Variants in CACNG7 observed in about 807,000 individuals in gnomAD.
CACNG7 encodes voltage-dependent calcium channel gamma-7 subunit.
A neutral mutation model predicts 26.3 loss-of-function variants in CACNG7; 9 were observed. The ratio of observed to expected loss-of-function variants is 0.34; its 90% CI spans 0.21 to 0.60. CACNG7 has a LOEUF of 0.60. CACNG7 is among the 20% of genes least tolerant of loss of function. The pLI, the probability that CACNG7 is intolerant of heterozygous loss-of-function variation, is 0.81. For synonymous variants in CACNG7, 170 were observed against 157.0 expected (o/e 1.08, Z -0.62); for missense variants, 297 against 380.4 (o/e 0.78, Z 1.82).
chr19:53,933,473 T>C (rs1056036898), intron 4 of CACNG7, among the ~76,000 whole-genome samples: 6 of 151,416 alleles, frequency 4.0e-5, no homozygotes, highest in African/African-American at 1.5e-4. Context: ...CTAATTTTTG[T>C]ATTTTTAGTA....
chr19:53,919,274 G>A (rs536282957), intron 4 of CACNG7, among the ~76,000 whole-genome samples: 4 of 152,216 alleles, frequency 2.6e-5, no homozygotes, highest in Non-Finnish European at 2.9e-5. Context: ...CCTCCTGTTC[G>A]CAATGAGGAA....
At chr19:53,941,666 G>C in intron 5 of CACNG7, 51 bp downstream of exon 5, 1 of 1,580,032 alleles carries the variant, frequency 6.3e-7, no homozygotes, top group Non-Finnish European at 8.6e-7. Context: ...GAGAGGTCTT[G>C]GGGGCCTGGT....
chr19:53,930,924 G>C (rs1367685532), intron 4 of CACNG7, among the ~76,000 whole-genome samples: 1 of 152,138 alleles, frequency 6.6e-6, no homozygotes, highest in Admixed American at 6.6e-5. Context: ...ATCCTTTAAG[G>C]CTAAGGGTCG....
intron 3 of CACNG7, 54 bp from the exon 4 acceptor site, chr19:53,915,311 G>T: frequency 7.4e-7 from 1 of 1,356,310 alleles, no homozygotes; most frequent in South Asian, 1.2e-5. Flanking sequence ...GAATGGGGAA[G>T]TGTCCCACTG....
At position 53,943,584 on chromosome 19, in the gene CACNG7, C is replaced by G. The variant is rs898119478; in HGVS notation, c.*1291C>G. On this transcript the variant is annotated 3_prime_UTR_variant, in exon 6 of 6. Transcript: ENST00000391767. ...CCGCAGTTAACCTGACTTTACGCAG[C>G]GATTTTTAACGAGGCTGGGGGGAGG... is the stretch of plus-strand genomic sequence containing the variant. 5.5e-5 allele frequency: 5 copies of G among 91,538 alleles called. No homozygotes were observed. The highest frequency in any genetic ancestry group is 2.3e-4 in the African/African-American group (5 of 22,002). 5.7% of individuals were successfully genotyped at this position (91,538 alleles called of 1,614,324 possible). A position where few individuals can be genotyped will look rare whatever the true frequency, so the allele number is the denominator to read the frequency against.
At chr19:53,941,364 T>C in intron 4 of CACNG7, 106 bp from the exon 5 acceptor site, 1 of 1,290,472 alleles carries the variant, frequency 7.7e-7, no homozygotes, top group African/African-American at 1.5e-5. Flanking sequence ...TTCAGGGAAG[T>C]TAGTCCAGGA....
In CACNG7 at chr19:53,914,543, A is replaced by G. The variant is rs1473214709; in HGVS notation, c.240A>G (p.Glu80=). 4 of 1,614,018 alleles carry G rather than the reference A, an allele frequency of 2.5e-6. No individual in the cohort carries two copies. The African/African-American group carries it at 4.0e-5, about 16-fold the overall frequency. Residue 80 remains glutamate, a synonymous_variant, in exon 3 of 6, where the codon GAA becomes GAG. Coordinates refer to ENST00000391767, the MANE Select transcript of CACNG7 (RefSeq NM_031896.5). ...GTGTGGCCTCAGAATATTTTCTTGA[A>G]CCGGAGATCAATTTGGTGACGGAAA... ...GRCVASEYFL[E]PEINLVTENT...
rs1229521913 is a variant in CACNG7, at chr19:53,939,188, G to A, written c.425-2282G>A. 6.6e-6 allele frequency among the ~76,000 whole-genome samples: 1 copy of A among 152,118 alleles called. No individual in the cohort carries two copies. Among genetic ancestry groups the A allele is most frequent in the Non-Finnish European group, 1.5e-5 (1 of 68,034 alleles). On this transcript the variant is annotated intron_variant, in intron 4 of 5. Coordinates refer to ENST00000391767, the MANE Select transcript of CACNG7 (RefSeq NM_031896.5). This position sits in a 1 kb window ranked among gnomAD's most constrained non-coding sequence, Gnocchi z 4.2. The stretch of plus-strand genomic sequence containing the variant: ...CAGGAGAATCGCTTGAGTCCAGGAG[G>A]CAGAGGTTGCGGTGAGCCGAGATTG...
intron 4 of CACNG7, among the ~76,000 whole-genome samples, chr19:53,929,125 A>C (rs1747016579): frequency 6.6e-6 from 1 of 150,942 alleles, no homozygotes; most frequent in South Asian, 2.1e-4. Context: ...AAAAAAACAA[A>C]AAAAAAAAAA....
rs1427999569 is a variant in CACNG7 at position 53,920,906 on chromosome 19, G to C, written c.424+5401G>C. 4.1e-5 allele frequency among the ~76,000 whole-genome samples: 5 copies of C among 121,074 alleles called. No individual in the cohort carries two copies. The East Asian group carries it at 9.5e-4, about 23-fold the overall frequency. The allele number at this position is 121,074 out of a possible 152,430, so 79.4% of individuals were successfully genotyped here. On this transcript the variant is annotated intron_variant, in intron 4 of 5. Transcript: ENST00000391767. Reference sequence around the variant, plus strand: ...GTTGTCCCAGGTCTGGTCATTGGTGGAGTTGTCCCCAGGTCTGGTCATTGG... The same window carrying C: ...GTTGTCCCAGGTCTGGTCATTGGTGCAGTTGTCCCCAGGTCTGGTCATTGG...
intron 4 of CACNG7, among the ~76,000 whole-genome samples, chr19:53,924,172 GGTCCCAGGTCTGGTCATTGGTGGAGTT>G (rs1386823645): frequency 5.1e-5 from 7 of 136,484 alleles, no homozygotes; most frequent in Non-Finnish European, 7.8e-5. Context: ...TGGTGGAGTT[GGTCCCAGGTCTGGTCATTGGTGGAGTT>G]GTCCCAGGTC....
At position 53,942,561 on chromosome 19, in the gene CACNG7, C is replaced by G. The variant is rs1002757762; in HGVS notation, c.*268C>G. On this transcript the variant is annotated 3_prime_UTR_variant, in exon 6 of 6. Transcript: ENST00000391767. This position sits in a 1 kb window ranked among gnomAD's most constrained non-coding sequence, Gnocchi z 5.9. ...CCCTTCGTTGGCCCGCCCCTTTCCT[C>G]TGGCCCCTCCTCTCCAAGAAAATTA... 3 of 1,359,386 alleles carry G rather than the reference C, an allele frequency of 2.2e-6. No individual in the cohort carries two copies. The highest frequency in any genetic ancestry group is 2.8e-6 in the Non-Finnish European group (3 of 1,058,580). The allele number at this position is 1,359,386 out of a possible 1,614,324, so 84.2% of individuals were successfully genotyped here.
rs772108578 is a variant in CACNG7, at chr19:53,942,233, G to GT, written c.768_769insT (p.Asn257Ter). The GT allele has an allele frequency of 6.2e-7, 1 of 1,613,962 alleles. No homozygotes were observed. The highest frequency in any genetic ancestry group is 8.5e-7 in the Non-Finnish European group (1 of 1,179,950). ...GCGACGTGTCCATCCAAATGACGCA[G>GT]AACTACCCTCCCGCCATCAAGTACC... On this transcript the variant is annotated frameshift_variant, in exon 6 of 6. Coordinates refer to ENST00000391767, the MANE Select transcript of CACNG7 (RefSeq NM_031896.5). LOFTEE classifies it high-confidence loss of function. The surrounding 1 kb of genome is among the most constrained non-coding windows in gnomAD (Gnocchi z 5.9).
Position 53,942,021 on chromosome 19 carries a change from C to T in CACNG7, c.571-15C>T, listed in dbSNP as rs1278675890. ...AGGGGGGCGCCCCTGGGACTCTGAC[C>T]TTGCCTTGCCGCAGGGGGCCGGCGT... On this transcript the variant is annotated splice_polypyrimidine_tract_variant and intron_variant, in intron 5 of 5. Transcript: ENST00000391767. The surrounding 1 kb of genome is among the most constrained non-coding windows in gnomAD (Gnocchi z 5.9). 6.3e-7 allele frequency: 1 copy of T among 1,574,956 alleles called. No individual in the cohort carries two copies.
chr19:53,914,664 C>G (rs1462134875), intron 3 of CACNG7, 78 bp downstream of exon 3: 1 of 1,323,774 alleles, frequency 7.6e-7, no homozygotes, highest in Admixed American at 1.7e-5. Context: ...GGGGGCAGGA[C>G]TAGGGAAAGG....
At chr19:53,938,115 G>A (rs907726499) in intron 4 of CACNG7, among the ~76,000 whole-genome samples, 3 of 152,166 alleles carry the variant, frequency 2.0e-5, no homozygotes, top group Non-Finnish European at 2.9e-5. Flanking sequence ...GGGAGGCCAA[G>A]GTGGAAGAAC....
At chr19:53,936,057 G>A (rs1328963517) in intron 4 of CACNG7, among the ~76,000 whole-genome samples, 1 of 145,290 alleles carries the variant, frequency 6.9e-6, no homozygotes, top group Non-Finnish European at 1.5e-5. Context: ...TTTTTAATAC[G>A]TGGAGGATGC....
chr19:53,941,061 CAA>C (rs11300024), intron 4 of CACNG7, among the ~76,000 whole-genome samples: 224 of 143,418 alleles, frequency 1.6e-3, no homozygotes, highest in Non-Finnish European at 1.4e-3. Context: ...GACTCCATTT[CAA>C]AAAAAAAAAA....
At chr19:53,933,259 T>C (rs2069085113) in intron 4 of CACNG7, among the ~76,000 whole-genome samples, 1 of 149,692 alleles carries the variant, frequency 6.7e-6, no homozygotes, top group African/African-American at 2.5e-5. Context: ...GCCTCCTGAG[T>C]AGCTGGGATT....
Sources: allele counts gnomAD v4.1 joint callset (sites outside exome capture counted in the v4.1 genomes callset), GRCh38; gene constraint gnomAD v4.1.1; non-coding constraint Gnocchi (gnomAD v3.1); transcripts MANE v1.5; gene names NCBI Gene and HGNC (gene_info 2026-07-23, HGNC 2026-07-21).